Variants in TAFA2 observed in about 807,000 individuals in gnomAD.
The protein encoded by TAFA2 is TAFA chemokine like family member 2.
Under a neutral mutation model 18.8 loss-of-function variants are expected in TAFA2, and 7 were observed. The ratio of observed to expected loss-of-function variants is 0.37; its 90% CI spans 0.21 to 0.70. TAFA2 has a LOEUF of 0.70. Ranked by LOEUF, TAFA2 falls within the 30% of genes least tolerant of loss-of-function variation. The pLI is 0.53. For missense variants in TAFA2, 122 were observed against 158.1 expected (o/e 0.77, Z 1.23); for synonymous variants, 60 against 54.2 (o/e 1.11, Z -0.47).
chr12:62,246,693 G>C (rs2136992498), intron 1 of TAFA2, among the ~76,000 whole-genome samples: 2 of 152,230 alleles, frequency 1.3e-5, no homozygotes, highest in South Asian at 4.1e-4. Context: ...CTAATAAGCT[G>C]TTCTTTTTAC....
chr12:62,099,198 G>GC, intron 1 of TAFA2, among the ~76,000 whole-genome samples: 1 of 151,978 alleles, frequency 6.6e-6, no homozygotes, highest in African/African-American at 2.4e-5. Flanking sequence ...AATCAATAGT[G>GC]TAAGTCTATA....
chr12:62,154,987 TAA>T (rs991189687), intron 1 of TAFA2, among the ~76,000 whole-genome samples: 4 of 152,094 alleles, frequency 2.6e-5, no homozygotes, highest in African/African-American at 9.7e-5. Context: ...ATCCAATCGG[TAA>T]AGAGGACATC....
At chr12:61,928,845 T>C (rs879260034) in intron 1 of TAFA2, among the ~76,000 whole-genome samples, 1 of 151,120 alleles carries the variant, frequency 6.6e-6, no homozygotes, top group Non-Finnish European at 1.5e-5. Flanking sequence ...AAAAAAAACA[T>C]GAGTCTGTTG....
At chr12:62,133,744 C>T (rs1262817975) in intron 1 of TAFA2, among the ~76,000 whole-genome samples, 1 of 152,088 alleles carries the variant, frequency 6.6e-6, no homozygotes, top group Non-Finnish European at 1.5e-5. Flanking sequence ...TGTCCTTGGA[C>T]TGTAGCATGG....
In TAFA2 at chr12:61,758,209, T is replaced by C. The variant is rs985246113; in HGVS notation, c.107-3185A>G. Among the ~76,000 whole-genome samples the C allele has an allele frequency of 8.6e-5, 13 of 151,990 alleles. No homozygotes were observed. In the South Asian group the frequency reaches 1.0e-3, roughly 12 times the overall value. ...TAGAGAAGGAAAGGTAAGGTTGTTA[T>C]AGTTATAAAAAGTCTTTCAAGGAGT... On this transcript the variant is annotated intron_variant, in intron 2 of 4. Transcript: ENST00000416284.
intron 1 of TAFA2, among the ~76,000 whole-genome samples, chr12:62,126,689 G>T (rs1870474613): frequency 1.3e-5 from 2 of 151,992 alleles, no homozygotes; most frequent in Middle Eastern, 3.2e-3. Context: ...AAGTATAAAC[G>T]ATGCAGTAAT....
At chr12:61,865,265 G>A (rs1016336392) in intron 2 of TAFA2, among the ~76,000 whole-genome samples, 14 of 152,182 alleles carry the variant, frequency 9.2e-5, no homozygotes, top group African/African-American at 3.1e-4. Flanking sequence ...TAGGGAGATA[G>A]CAGCCCAGCC....
intron 1 of TAFA2, among the ~76,000 whole-genome samples, chr12:62,204,854 G>T (rs964740516): frequency 2.0e-5 from 3 of 152,108 alleles, no homozygotes; most frequent in African/African-American, 7.2e-5. Context: ...CTTCCACCCA[G>T]TTCTATGCCC....
intron 4 of TAFA2, among the ~76,000 whole-genome samples, chr12:61,745,768 G>A (rs1868675039): frequency 1.3e-5 from 2 of 151,980 alleles, no homozygotes; most frequent in Non-Finnish European, 2.9e-5. Flanking sequence ...CTAATCAGCT[G>A]ATGTTAAGAG....
intron 1 of TAFA2, among the ~76,000 whole-genome samples, chr12:62,079,089 G>A (rs11174297): frequency 0.018 from 2,678 of 152,150 alleles, 74 homozygotes; most frequent in African/African-American, 0.061. Flanking sequence ...CTGAGTTTAC[G>A]ATGCCATGTT....
intron 2 of TAFA2, among the ~76,000 whole-genome samples, chr12:61,821,689 A>G (rs1222395002): frequency 6.6e-6 from 1 of 152,148 alleles, no homozygotes; most frequent in East Asian, 1.9e-4. Context: ...CACATCTTCA[A>G]GAGAACATTA....
intron 1 of TAFA2, among the ~76,000 whole-genome samples, chr12:62,178,891 T>C (rs2062533025): frequency 6.6e-6 from 1 of 152,210 alleles, no homozygotes; most frequent in African/African-American, 2.4e-5. Context: ...GTTAGTGTTC[T>C]GAGACACTTG....
At chr12:62,205,652 G>A (rs1179305982) in intron 1 of TAFA2, among the ~76,000 whole-genome samples, 1 of 152,162 alleles carries the variant, frequency 6.6e-6, no homozygotes, top group Non-Finnish European at 1.5e-5. Context: ...AATTCCTCCT[G>A]GGTCCAAACC....
intron 1 of TAFA2, among the ~76,000 whole-genome samples, chr12:62,134,426 A>G (rs1870814390): frequency 6.6e-6 from 1 of 151,998 alleles, no homozygotes; most frequent in African/African-American, 2.4e-5. Flanking sequence ...GTGAGGACAC[A>G]GCATGAAGAC....
At position 62,048,564 on chromosome 12, in the gene TAFA2, A is replaced by T. The variant is rs565657748; in HGVS notation, c.-2+142695T>A. Among the ~76,000 whole-genome samples the T allele has an allele frequency of 2.0e-5, 3 of 152,260 alleles. No individual in the cohort carries two copies. The South Asian group carries it at 6.2e-4, about 32-fold the overall frequency. On this transcript the variant is annotated intron_variant, in intron 1 of 4. Transcript: ENST00000416284. ...CACTTAGCAGCTCATTTTTTTCCTG[A>T]TTATATTTCCCCAATTTTCAAATCT...
At chr12:62,169,307 AT>A (rs556726275) in intron 1 of TAFA2, among the ~76,000 whole-genome samples, 44 of 152,284 alleles carry the variant, frequency 2.9e-4, no homozygotes, top group Admixed American at 1.3e-3. Flanking sequence ...TAGCACTCCA[AT>A]ACTAGTTGTC....
intron 1 of TAFA2, among the ~76,000 whole-genome samples, chr12:62,041,533 CAG>C (rs1478239343): frequency 6.6e-6 from 1 of 152,094 alleles, no homozygotes; most frequent in African/African-American, 2.4e-5. Context: ...TAAAGGTAAT[CAG>C]AGTTTACTGC....
chr12:62,091,488 A>C (rs1379973306), intron 1 of TAFA2, among the ~76,000 whole-genome samples: 7 of 151,948 alleles, frequency 4.6e-5, no homozygotes, highest in Admixed American at 4.6e-4. Flanking sequence ...TTATATTTTT[A>C]TACCATGCAC....
intron 1 of TAFA2, among the ~76,000 whole-genome samples, chr12:61,908,893 C>T (rs954886902): frequency 3.9e-5 from 6 of 152,142 alleles, no homozygotes; most frequent in African/African-American, 9.7e-5. Context: ...CTCAGCAAAA[C>T]TAAACCAAAA....
Sources: gnomAD v4.1 joint callset for allele counts (sites outside exome capture counted in the v4.1 genomes callset) on GRCh38, gnomAD v4.1.1 for gene constraint, MANE v1.5 for transcripts, NCBI Gene and HGNC (gene_info 2026-07-23, HGNC 2026-07-21) for gene names.